SYT1: variants seen among roughly 807,000 people sequenced by gnomAD.
SYT1 encodes the protein synaptotagmin-1.
A neutral mutation model predicts 44.8 loss-of-function variants in SYT1; 8 were observed. That is an observed-to-expected ratio of 0.18 (90% confidence interval 0.10 to 0.32). The LOEUF (loss-of-function observed/expected upper bound fraction) is 0.32. Among genes scored for constraint, SYT1 ranks in the 10% least tolerant of loss-of-function variants. The pLI, the probability that SYT1 is intolerant of heterozygous loss-of-function variation, is 1.00. For missense variants in SYT1, 286 were observed against 509.3 expected, an observed-to-expected ratio of 0.56 and a Z score of 4.22; for synonymous variants, 154 against 188.8, an observed-to-expected ratio of 0.82 and a Z score of 1.51.
chr12:79,318,288 C>T (rs1881196891), intron 8 of SYT1, among the ~76,000 whole-genome samples: 1 of 152,202 alleles, frequency 6.6e-6, no homozygotes, highest in African/African-American at 2.4e-5. Flanking sequence ...GTACTCTCTT[C>T]TAAATTCCTC....
intron 9 of SYT1, among the ~76,000 whole-genome samples, chr12:79,440,125 G>T (rs547782308): frequency 6.6e-6 from 1 of 152,194 alleles, no homozygotes; most frequent in African/African-American, 2.4e-5. Context: ...GGCTGAGGAG[G>T]GAGAATCGCT....
At chr12:79,312,314 G>T (rs1265212554) in intron 8 of SYT1, among the ~76,000 whole-genome samples, 2 of 152,140 alleles carry the variant, frequency 1.3e-5, no homozygotes, top group Admixed American at 1.3e-4. Flanking sequence ...CCTGTATTAG[G>T]TTCTGAACCT....
In SYT1 at chr12:79,241,758, T is replaced by C. The variant is rs548281683; in HGVS notation, c.166+24073T>C. On this transcript the variant is annotated intron_variant, in intron 4 of 10. Transcript: ENST00000261205. ...GTCGAATCATGTGCCCCATACTGTA[T>C]GTTCAAGTCCTAACCCTTGGTACCT... Among the ~76,000 whole-genome samples the C allele has an allele frequency of 3.3e-5, 5 of 152,354 alleles. No individual in the cohort carries two copies. In the South Asian group the frequency reaches 8.3e-4, roughly 25 times the overall value.
chr12:79,140,779 C>G (rs534607579), intron 3 of SYT1, among the ~76,000 whole-genome samples: 1 of 152,202 alleles, frequency 6.6e-6, no homozygotes, highest in South Asian at 2.1e-4. Flanking sequence ...GATTCCTTCA[C>G]AATTTGAAGT....
chr12:79,004,930 C>A (rs1215534468), intron 2 of SYT1, among the ~76,000 whole-genome samples: 1 of 151,862 alleles, frequency 6.6e-6, no homozygotes, highest in African/African-American at 2.4e-5. Flanking sequence ...TTCAAACTTT[C>A]AAAGCAGAGT....
chr12:79,301,120 G>A (rs1216212243), intron 8 of SYT1, among the ~76,000 whole-genome samples: 1 of 151,976 alleles, frequency 6.6e-6, no homozygotes, highest in Non-Finnish European at 1.5e-5. Context: ...GGGTGATAAA[G>A]TAGGACCATA....
rs201552444 is a variant in SYT1, at chr12:78,993,747, TA to T, written c.-84+15818del. 3.0e-3 allele frequency among the ~76,000 whole-genome samples: 451 copies of T among 152,354 alleles called. 2 individuals carry two copies. The highest frequency in any genetic ancestry group is 9.9e-3 in the African/African-American group (412 of 41,580). On this transcript the variant is annotated intron_variant, in intron 2 of 10. Coordinates refer to ENST00000261205, the MANE Select transcript of SYT1 (RefSeq NM_005639.3). Reference sequence around the variant, plus strand: ...AATGATGATTTCATATAGCCCAATCTAATATTACTTTTCAAAAAGTAATGTA... The same window carrying T: ...AATGATGATTTCATATAGCCCAATCTATATTACTTTTCAAAAAGTAATGTA...
intron 9 of SYT1, chr12:79,392,670 T>C (rs569967274): frequency 1.4e-4 from 22 of 151,980 alleles, no homozygotes; most frequent in Middle Eastern, 6.8e-3. Flanking sequence ...ACTAGTTCAG[T>C]CAGTTTAATG....
chr12:78,888,820 T>C (rs949755510), intron 1 of SYT1, among the ~76,000 whole-genome samples: 3 of 151,900 alleles, frequency 2.0e-5, no homozygotes, highest in Non-Finnish European at 4.4e-5. Context: ...CACTGTCACT[T>C]CTATTTTTAC....
chr12:79,233,349 G>T (rs1241198825), intron 4 of SYT1, among the ~76,000 whole-genome samples: 1 of 152,204 alleles, frequency 6.6e-6, no homozygotes, highest in African/African-American at 2.4e-5. Flanking sequence ...TTTTCACTGA[G>T]ACAGTTCAAA....
intron 1 of SYT1, among the ~76,000 whole-genome samples, chr12:78,951,881 G>C (rs1203117368): frequency 6.6e-6 from 1 of 152,082 alleles, no homozygotes; most frequent in Non-Finnish European, 1.5e-5. Flanking sequence ...GGCATCTCTG[G>C]CGTCTGCACT....
intron 2 of SYT1, among the ~76,000 whole-genome samples, chr12:79,021,582 T>C (rs1304577451): frequency 6.6e-6 from 1 of 151,664 alleles, no homozygotes; most frequent in Non-Finnish European, 1.5e-5. Context: ...AAAATAATTA[T>C]AAAAAAAGAA....
At position 79,450,882 on chromosome 12, in the gene SYT1, G is replaced by C. The variant is rs1446201674; in HGVS notation, c.*1758G>C. 1 of 152,622 alleles carries C rather than the reference G, an allele frequency of 6.6e-6. No homozygotes were observed. The highest frequency in any genetic ancestry group is 1.9e-4 in the East Asian group (1 of 5,188). The allele number at this position is 152,622 out of a possible 1,614,324, so 9.5% of individuals were successfully genotyped here. A position where few individuals can be genotyped will look rare whatever the true frequency, so the allele number is the denominator to read the frequency against. On this transcript the variant is annotated 3_prime_UTR_variant, in exon 11 of 11. Transcript: ENST00000261205. ...GAAGGGCAGCCTATTATCCCACACT[G>C]CATCTAGCCTTTTGTCCCATTCACT...
At chr12:79,317,288 A>G (rs1881137275) in intron 8 of SYT1, among the ~76,000 whole-genome samples, 2 of 152,284 alleles carry the variant, frequency 1.3e-5, no homozygotes, top group South Asian at 4.1e-4. Flanking sequence ...TCGAAAGCTG[A>G]TGGAATAATT....
intron 1 of SYT1, among the ~76,000 whole-genome samples, chr12:78,947,844 A>AG (rs1220373574): frequency 6.6e-6 from 1 of 151,862 alleles, no homozygotes; most frequent in African/African-American, 2.4e-5. Flanking sequence ...TACATGGATG[A>AG]GAAAAAAAAA....
intron 3 of SYT1, among the ~76,000 whole-genome samples, chr12:79,193,575 C>G (rs1873258565): frequency 6.6e-6 from 1 of 152,000 alleles, no homozygotes; most frequent in Admixed American, 6.6e-5. Flanking sequence ...TATTAAGATT[C>G]ATCAAAGCTG....
At chr12:79,100,870 A>G (rs554488107) in intron 3 of SYT1, among the ~76,000 whole-genome samples, 18 of 152,234 alleles carry the variant, frequency 1.2e-4, no homozygotes, top group African/African-American at 3.9e-4. Context: ...TTTAATCCTT[A>G]TATGTAAATT....
At chr12:78,994,118 T>C (rs1031833075) in intron 2 of SYT1, among the ~76,000 whole-genome samples, 7 of 152,218 alleles carry the variant, frequency 4.6e-5, no homozygotes, top group African/African-American at 1.7e-4. Flanking sequence ...TTCCCTGTAT[T>C]TATTTCCTCC....
chr12:79,026,379 T>G (rs1156266773), intron 2 of SYT1, among the ~76,000 whole-genome samples: 1 of 151,588 alleles, frequency 6.6e-6, no homozygotes, highest in South Asian at 2.1e-4. Flanking sequence ...ATTCTCTGAA[T>G]GTGTAATGCA....
Sources: gnomAD v4.1 joint callset for allele counts (sites outside exome capture counted in the v4.1 genomes callset) on GRCh38, gnomAD v4.1.1 for gene constraint, MANE v1.5 for transcripts, NCBI Gene and HGNC (gene_info 2026-07-23, HGNC 2026-07-21) for gene names.